The following MARF1 variants were observed in gnomAD, a reference collection of about 807,000 sequenced individuals.
The protein encoded by MARF1 is meiosis regulator and mRNA stability factor 1, also known as limkain-b1.
Under a neutral mutation model 168.2 loss-of-function variants are expected in MARF1, and 24 were observed. The observed-to-expected ratio is 0.14, with a 90% CI of 0.10 to 0.20. The LOEUF is 0.20. MARF1 is among the 10% of genes least tolerant of loss of function. MARF1 has a pLI of 1.00. For missense variants in MARF1, 1,744 were observed against 2,143.6 expected (o/e 0.81, Z 3.68); for synonymous variants, 868 against 822.4 (o/e 1.06, Z -0.95).
In MARF1 at chr16:15,636,324, T is replaced by C; in HGVS notation, c.163A>G (p.Lys55Glu). ...TCCTTTAGTTCCACAGCAACTTTCT[T>C]GTTCTCCATGTACTCTTTCTGAGAA... ...SPQTKEYMENKKVAVELKDVP... is the reference protein window; with the variant it reads ...SPQTKEYMENEKVAVELKDVP... The change falls in exon 3 of 27, where the codon AAG (lysine) becomes GAG (glutamate). Residue 55 changes from lysine (K) to glutamate (E), a missense_variant. Transcript: ENST00000396368. 6.4e-7 allele frequency: 1 copy of C among 1,561,558 alleles called. No homozygotes were observed. The highest frequency in any genetic ancestry group is 8.7e-7 in the Non-Finnish European group (1 of 1,153,792).
At position 15,623,138 on chromosome 16, in the gene MARF1, C is replaced by T. The variant is rs751927349; in HGVS notation, c.2271-15G>A. ...GAGACATACTCCTGCTTAAAACACA[C>T]ATATTGACATTATTTTAAAAAACTG... On this transcript the variant is annotated splice_polypyrimidine_tract_variant and intron_variant, in intron 10 of 26. Coordinates refer to ENST00000396368, the MANE Select transcript of MARF1 (RefSeq NM_014647.4). The T allele has an allele frequency of 8.4e-6, 13 of 1,541,602 alleles. No homozygotes were observed. In the South Asian group the frequency reaches 1.3e-4, roughly 16 times the overall value.
intron 3 of MARF1, chr16:15,635,418 A>G (rs574178864): frequency 1.9e-6 from 1 of 524,004 alleles, no homozygotes; most frequent in Admixed American, 3.6e-5. Flanking sequence ...TCTTGTTTGC[A>G]ACAAGAGGCT....
chr16:15,603,705 T>C (rs149929543), intron 22 of MARF1, among the ~76,000 whole-genome samples: 1 of 152,306 alleles, frequency 6.6e-6, no homozygotes, highest in African/African-American at 2.4e-5. Flanking sequence ...CGCCCGAGAA[T>C]TGCATGCAGT....
At chr16:15,617,237 T>C in intron 14 of MARF1, 62 bp downstream of exon 14, 1 of 1,610,270 alleles carries the variant, frequency 6.2e-7, no homozygotes, top group Non-Finnish European at 8.5e-7. Flanking sequence ...CACAAGGTCA[T>C]CCTAACATGT....
At chr16:15,642,664 G>C (rs985486668) in intron 1 of MARF1, among the ~76,000 whole-genome samples, 9 of 152,198 alleles carry the variant, frequency 5.9e-5, no homozygotes, top group African/African-American at 1.2e-4. Flanking sequence ...GCCGGGGAGG[G>C]GGGAGTGTGT....
chr16:15,611,301 T>C (rs1002539641), intron 18 of MARF1, among the ~76,000 whole-genome samples, 193 bp from the exon 19 acceptor site: 9 of 151,430 alleles, frequency 5.9e-5, no homozygotes, highest in African/African-American at 2.2e-4. Flanking sequence ...TACTAAAAAA[T>C]AGAAAAAATA....
Position 15,617,367 on chromosome 16 carries a change from T to C in MARF1, c.2889A>G (p.Pro963=). ...SHDGSSTNCS[P]IIFEELEYHE... ...GATATTCTAACTCTTCAAATATAAT[T>C]GGGCTGCAATTCGTGGAGGAGCCGT... The change falls in exon 14 of 27, where the codon CCA becomes CCG. Residue 963 remains proline (P), a synonymous_variant. Transcript: ENST00000396368. 1 of 1,614,174 alleles carries C rather than the reference T, an allele frequency of 6.2e-7. No homozygotes were observed. The highest frequency in any genetic ancestry group is 8.5e-7 in the Non-Finnish European group (1 of 1,180,026).
chr16:15,629,740 A>G (rs1177804782), intron 7 of MARF1, among the ~76,000 whole-genome samples: 3 of 152,230 alleles, frequency 2.0e-5, no homozygotes, highest in African/African-American at 7.2e-5. Flanking sequence ...CAAGTCTATC[A>G]GAAATGCTAG....
At chr16:15,599,084 C>A (rs1252830143) in intron 25 of MARF1, 60 bp from the exon 26 acceptor site, 5 of 1,501,044 alleles carry the variant, frequency 3.3e-6, no homozygotes, top group Non-Finnish European at 1.8e-6. Context: ...CCAGCACACA[C>A]CCTGGGCTCA....
intron 18 of MARF1, 59 bp downstream of exon 18, chr16:15,611,533 G>A: frequency 6.8e-7 from 1 of 1,476,472 alleles, no homozygotes; most frequent in Non-Finnish European, 9.3e-7. Flanking sequence ...TTAGAGTTTG[G>A]CAGAAGATAA....
In MARF1 at chr16:15,611,712, C is replaced by T. The variant is rs750466646; in HGVS notation, c.3497G>A (p.Arg1166His). The T allele has an allele frequency of 6.8e-6, 11 of 1,613,856 alleles. No homozygotes were observed. In the South Asian group the frequency reaches 9.9e-5, roughly 15 times the overall value. ...GGCCCTGTGGGTAAGGGTCAGCAGA[C>T]GTTTGGAGCCCATTCCAAGAATCTG... ...VLQILGMGSKRLLTLTHRAQV... is the reference protein window; with the variant it reads ...VLQILGMGSKHLLTLTHRAQV... The change falls in exon 18 of 27, where the codon CGT becomes CAT. Residue 1166 changes from arginine to histidine, a missense_variant. Physicochemically the swap from Arg to His is conservative, Grantham distance 29. Around this residue, in one of 7 missense-constraint regions of MARF1, gnomAD observed 543 missense variants for 742.1 expected, o/e 0.73. Coordinates refer to ENST00000396368, the MANE Select transcript of MARF1 (RefSeq NM_014647.4).
intron 21 of MARF1, among the ~76,000 whole-genome samples, chr16:15,607,322 G>T (rs1181209130): frequency 1.3e-5 from 2 of 152,172 alleles, no homozygotes; most frequent in East Asian, 3.8e-4. Context: ...GCTGAGGTGG[G>T]CGGATTACCT....
At chr16:15,611,857 T>C in intron 17 of MARF1, 123 bp from the exon 18 acceptor site, 1 of 712,280 alleles carries the variant, frequency 1.4e-6, no homozygotes, top group South Asian at 2.4e-5. Context: ...ATGTGTGCAA[T>C]TTGAAACACA....
At chr16:15,621,586 CT>C in intron 12 of MARF1, 146 bp downstream of exon 12, 1 of 810,774 alleles carries the variant, frequency 1.2e-6, no homozygotes, top group African/African-American at 1.7e-5. Flanking sequence ...TGGCTTGTTT[CT>C]AACTGTATCA....
At position 15,641,623 on chromosome 16, in the gene MARF1, C is replaced by A. The variant is rs575762956; in HGVS notation, c.-59+1395G>T. ...ACAAGGAATATAATGATGAAAAAAA[C>A]CCAGACGGTGGGATCCTCTTATATA... On this transcript the variant is annotated intron_variant, in intron 1 of 26. Transcript: ENST00000396368. 2.0e-5 allele frequency among the ~76,000 whole-genome samples: 3 copies of A among 152,208 alleles called. No individual in the cohort carries two copies. The East Asian group carries it at 5.8e-4, about 29-fold the overall frequency.
intron 21 of MARF1, among the ~76,000 whole-genome samples, chr16:15,606,757 T>G: frequency 6.6e-6 from 1 of 152,244 alleles, no homozygotes. Context: ...TGTATGTTCA[T>G]CTTCTCTCTC....
rs1380766862 is a variant in MARF1 at position 15,596,686 on chromosome 16, ATGG to A, written c.*4_*6del. 1 of 1,571,312 alleles carries A rather than the reference ATGG, an allele frequency of 6.4e-7. No homozygotes were observed. On this transcript the variant is annotated 3_prime_UTR_variant, in exon 27 of 27. Transcript: ENST00000396368. Reference sequence around the variant, plus strand: ...TTCCCATCCTAATTCTATATTCCAAATGGGAGTTAAAGCTTGGTTATAGGTGCT... The same window carrying A: ...TTCCCATCCTAATTCTATATTCCAAAGAGTTAAAGCTTGGTTATAGGTGCT...
intron 21 of MARF1, among the ~76,000 whole-genome samples, chr16:15,605,495 G>A (rs1365231300): frequency 6.6e-6 from 1 of 151,960 alleles, no homozygotes; most frequent in East Asian, 1.9e-4. Context: ...CTCAGAAGCG[G>A]GTTTAATCAA....
At chr16:15,622,060 A>T in intron 11 of MARF1, 149 bp from the exon 12 acceptor site, 1 of 705,922 alleles carries the variant, frequency 1.4e-6, no homozygotes, top group East Asian at 2.7e-5. Context: ...GCTGACCAGG[A>T]CGTAAGAAAG....
Sources: allele counts gnomAD v4.1 joint callset (sites outside exome capture counted in the v4.1 genomes callset), GRCh38; gene constraint gnomAD v4.1.1; regional missense constraint gnomAD v4.1.1; transcripts MANE v1.5; gene names NCBI Gene and HGNC (gene_info 2026-07-23, HGNC 2026-07-21).